The following FAT3 variants were observed in gnomAD, a reference collection of about 807,000 sequenced individuals.
FAT3 encodes the protein protocadherin Fat 3.
A neutral mutation model predicts 310.2 loss-of-function variants in FAT3; 95 were observed. That is an observed-to-expected ratio of 0.31 (90% CI 0.26 to 0.36). The LOEUF is 0.36. Among genes scored for constraint, FAT3 ranks in the 10% least tolerant of loss-of-function variants. The pLI, the probability that FAT3 is intolerant of heterozygous loss-of-function variation, is 1.00. For missense variants in FAT3, 5,408 were observed against 5,715.6 expected (o/e 0.95, Z 1.74); for synonymous variants, 2,314 against 2,192.9 (o/e 1.06, Z -1.54).
intron 1 of FAT3, among the ~76,000 whole-genome samples, chr11:92,309,345 T>A (rs1440577995): frequency 7.1e-6 from 1 of 140,948 alleles, no homozygotes; most frequent in African/African-American, 2.6e-5. Context: ...TGTCCATACA[T>A]TGGTGCTTGC....
chr11:92,575,313 T>C (rs1938421818), intron 3 of FAT3, among the ~76,000 whole-genome samples: 1 of 152,166 alleles, frequency 6.6e-6, no homozygotes, highest in Non-Finnish European at 1.5e-5. Context: ...CTGTCCCCAG[T>C]TGTTTTCTTC....
At chr11:92,830,697 T>C (rs1009181953) in intron 13 of FAT3, among the ~76,000 whole-genome samples, 2 of 152,084 alleles carry the variant, frequency 1.3e-5, no homozygotes, top group African/African-American at 2.4e-5. Flanking sequence ...GGCTTCTGCA[T>C]TCAAAACCTA....
At chr11:92,709,892 C>G (rs1944469727) in intron 4 of FAT3, among the ~76,000 whole-genome samples, 1 of 152,158 alleles carries the variant, frequency 6.6e-6, no homozygotes, top group Admixed American at 6.5e-5. Context: ...TACCTCCGAT[C>G]ATCCTTGGGA....
chr11:92,681,605 A>G (rs990613112), intron 3 of FAT3, among the ~76,000 whole-genome samples: 1 of 152,212 alleles, frequency 6.6e-6, no homozygotes, highest in Non-Finnish European at 1.5e-5. Context: ...GGAGAGCTGG[A>G]AAAGCCCATA....
At chr11:92,867,880 A>G (rs1352391424) in intron 22 of FAT3, among the ~76,000 whole-genome samples, 3 of 151,284 alleles carry the variant, frequency 2.0e-5, no homozygotes, top group South Asian at 2.1e-4. Context: ...TTTTCCCACA[A>G]GGTACATCAT....
chr11:92,756,700 C>G (rs1430769739), intron 4 of FAT3, among the ~76,000 whole-genome samples: 1 of 152,088 alleles, frequency 6.6e-6, no homozygotes, highest in Admixed American at 6.6e-5. Context: ...AAAATAAATT[C>G]ATCAGGCAAT....
intron 19 of FAT3, among the ~76,000 whole-genome samples, chr11:92,856,162 T>C (rs1948975718): frequency 6.6e-6 from 1 of 151,976 alleles, no homozygotes; most frequent in African/African-American, 2.4e-5. Flanking sequence ...ATATGCTTAA[T>C]GATAAGGAAA....
chr11:92,712,269 A>T (rs1944548309), intron 4 of FAT3, among the ~76,000 whole-genome samples: 1 of 152,038 alleles, frequency 6.6e-6, no homozygotes, highest in Admixed American at 6.6e-5. Context: ...ATCCCCCATC[A>T]GTTCCAACTT....
chr11:92,801,983 T>C, intron 10 of FAT3, 74 bp downstream of exon 10: 2 of 1,404,860 alleles, frequency 1.4e-6, no homozygotes, highest in Non-Finnish European at 2.0e-6. Flanking sequence ...GGGAGAAGAG[T>C]AAGAGAGAAG....
Position 92,890,938 on chromosome 11 carries a change from A to G in FAT3, c.13595A>G (p.Asp4532Gly), listed in dbSNP as rs772977700. Residue 4532 changes from aspartate (D) to glycine (G), a missense_variant, in exon 28 of 28, where the codon GAC becomes GGC. This residue lies in a region of FAT3 where 649 missense variants were observed against 666.2 expected (regional missense o/e 0.97). Coordinates refer to ENST00000525166, the MANE Select transcript of FAT3 (RefSeq NM_001367949.2). ...GGCACAGAGCCCACAGGCCCAGCAG[A>G]CAGCGTGTCTCTGTCCTTGCACAAT... Reference protein sequence around the residue: ...NQGTEPTGPADSVSLSLHNSR... With the variant: ...NQGTEPTGPAGSVSLSLHNSR... The G allele has an allele frequency of 1.2e-6, 2 of 1,613,998 alleles. No homozygotes were observed. Among genetic ancestry groups the G allele is most frequent in the African/African-American group, 1.3e-5 (1 of 75,068 alleles).
chr11:92,338,145 T>C (rs1036560804), intron 1 of FAT3, among the ~76,000 whole-genome samples: 5 of 152,252 alleles, frequency 3.3e-5, no homozygotes, highest in African/African-American at 1.2e-4. Flanking sequence ...AGCTTCCCTG[T>C]ACAGCTGCCC....
chr11:92,476,586 G>C (rs973455547), intron 2 of FAT3, among the ~76,000 whole-genome samples: 3 of 152,170 alleles, frequency 2.0e-5, no homozygotes, highest in Non-Finnish European at 4.4e-5. Flanking sequence ...CGTACTTGGG[G>C]GTGAATGGAA....
Position 92,256,780 on chromosome 11 carries a change from A to G in FAT3, c.-18+31606A>G, listed in dbSNP as rs111985086. Reference sequence around the variant, plus strand: ...TAGGTATTGTTAGGTTCATTTTTAAATTGAGAAAATAAGTTTAGAGACCTG... The same window carrying G: ...TAGGTATTGTTAGGTTCATTTTTAAGTTGAGAAAATAAGTTTAGAGACCTG... On this transcript the variant is annotated intron_variant, in intron 1 of 27. Coordinates refer to ENST00000525166, the MANE Select transcript of FAT3 (RefSeq NM_001367949.2). Among the ~76,000 whole-genome samples the G allele has an allele frequency of 3.9e-5, 6 of 152,268 alleles. 1 individual carries two copies. The highest frequency in any genetic ancestry group is 1.4e-4 in the African/African-American group (6 of 41,566).
chr11:92,255,347 A>ATT (rs1346325560), intron 1 of FAT3, among the ~76,000 whole-genome samples: 33 of 151,270 alleles, frequency 2.2e-4, no homozygotes, highest in Middle Eastern at 3.4e-3. Context: ...TTTTTAAAAA[A>ATT]AAAAAAAAGG....
At chr11:92,240,349 T>C (rs1406687738) in intron 1 of FAT3, among the ~76,000 whole-genome samples, 1 of 152,084 alleles carries the variant, frequency 6.6e-6, no homozygotes, top group African/African-American at 2.4e-5. Flanking sequence ...ATTCAAGATT[T>C]TCTTGAATGT....
chr11:92,283,252 A>G (rs1400097652), intron 1 of FAT3, among the ~76,000 whole-genome samples: 2 of 152,196 alleles, frequency 1.3e-5, no homozygotes, highest in Non-Finnish European at 2.9e-5. Context: ...GAGACTTATT[A>G]GTCAGTGACA....
At chr11:92,364,488 C>G (rs11019925) in intron 2 of FAT3, among the ~76,000 whole-genome samples, 1 of 151,966 alleles carries the variant, frequency 6.6e-6, no homozygotes. Flanking sequence ...GTTTTGTACG[C>G]GCATTGAAAG....
rs920869935 is a variant in FAT3 at position 92,894,457 on chromosome 11, T to C, written c.*3344T>C. On this transcript the variant is annotated 3_prime_UTR_variant, in exon 28 of 28. Coordinates refer to ENST00000525166, the MANE Select transcript of FAT3 (RefSeq NM_001367949.2). Reference sequence around the variant, plus strand: ...ACCATGTGGAAACTATTTAAATCAATTAATGTCTTTCTCATTTTTCGAACA... The same window carrying C: ...ACCATGTGGAAACTATTTAAATCAACTAATGTCTTTCTCATTTTTCGAACA... 4.6e-5 allele frequency: 7 copies of C among 152,198 alleles called. No individual in the cohort carries two copies. Among genetic ancestry groups the C allele is most frequent in the African/African-American group, 1.4e-4 (6 of 41,436 alleles). The allele number at this position is 152,198 out of a possible 1,614,324, so 9.4% of individuals were successfully genotyped here.
chr11:92,775,207 C>A (rs1383416207), intron 7 of FAT3, among the ~76,000 whole-genome samples: 3 of 152,098 alleles, frequency 2.0e-5, no homozygotes, highest in African/African-American at 7.2e-5. Flanking sequence ...GAAATTTTTG[C>A]CAACCCTGAA....
Sources: allele counts gnomAD v4.1 joint callset (sites outside exome capture counted in the v4.1 genomes callset), GRCh38; gene constraint gnomAD v4.1.1; regional missense constraint gnomAD v4.1.1; transcripts MANE v1.5; gene names NCBI Gene and HGNC (gene_info 2026-07-23, HGNC 2026-07-21).